The following C10orf90 variants were observed in gnomAD, a reference collection of about 807,000 sequenced individuals.
The protein encoded by C10orf90 is (E2-independent) E3 ubiquitin-conjugating enzyme FATS.
C10orf90 carries 56 observed loss-of-function variants against 62.5 expected under a neutral mutation model. The ratio of observed to expected loss-of-function variants is 0.90; its 90% CI spans 0.72 to 1.12. The LOEUF (loss-of-function observed/expected upper bound fraction) is 1.12, where lower values mean the gene tolerates loss of function less well. Among genes scored for constraint, C10orf90 ranks in the 50% most tolerant of loss-of-function variants. The probability of loss-of-function intolerance (pLI) is 0.00; values close to 1 mark genes in which losing one functional copy is unlikely to be tolerated. For synonymous variants in C10orf90, 386 were observed against 340.4 expected (o/e 1.13, Z -1.47); for missense variants, 970 against 880.4 (o/e 1.10, Z -1.29).
At chr10:126,458,389 T>C (rs1859721697) in intron 7 of C10orf90, among the ~76,000 whole-genome samples, 1 of 152,174 alleles carries the variant, frequency 6.6e-6, no homozygotes, top group Admixed American at 6.5e-5. Context: ...TGCTCTGATG[T>C]CCCCCATCCT....
At chr10:126,521,446 C>T in intron 2 of C10orf90, 1 of 1,524,568 alleles carries the variant, frequency 6.6e-7, no homozygotes, top group African/African-American at 1.4e-5. Flanking sequence ...CAGAATGAGT[C>T]AGGCTTCCAC....
In C10orf90 at chr10:126,425,808, C is replaced by G. The variant is rs368871600; in HGVS notation, c.*56G>C. On this transcript the variant is annotated 3_prime_UTR_variant, in exon 10 of 10. Coordinates refer to ENST00000488181, the MANE Select transcript of C10orf90 (RefSeq NM_001350921.2). ...GATAATGCTAAGTTTAATGGCTTATCCAGCATTCGAAGTCCTCCCAGGTCC... is the reference window on the plus strand; with the variant it reads ...GATAATGCTAAGTTTAATGGCTTATGCAGCATTCGAAGTCCTCCCAGGTCC... 2.9e-5 allele frequency: 45 copies of G among 1,543,906 alleles called. No individual in the cohort carries two copies. The highest frequency in any genetic ancestry group is 3.6e-5 in the Non-Finnish European group (41 of 1,135,012).
intron 2 of C10orf90, among the ~76,000 whole-genome samples, chr10:126,571,845 G>C (rs1844512982): frequency 6.6e-6 from 1 of 152,028 alleles, no homozygotes; most frequent in Non-Finnish European, 1.5e-5. Context: ...AAACCTCAAG[G>C]GGCACCAATC....
rs538178385 is a variant in C10orf90, at chr10:126,661,507, C to T, written c.240+8734G>A. 7.7e-4 allele frequency among the ~76,000 whole-genome samples: 118 copies of T among 152,280 alleles called. 3 individuals carry two copies. The South Asian group carries it at 0.023, about 29-fold the overall frequency. On this transcript the variant is annotated intron_variant, in intron 1 of 9. Transcript: ENST00000488181. ...TAATCACACCACCACCTGTCATCTG[C>T]CATCTCTTCTCTCCCTTGGTTTGGC...
chr10:126,653,165 T>G (rs1846324479), intron 1 of C10orf90, among the ~76,000 whole-genome samples: 1 of 152,210 alleles, frequency 6.6e-6, no homozygotes, highest in Non-Finnish European at 1.5e-5. Flanking sequence ...AGGGTGGTGT[T>G]TGCTGAAGGC....
intron 2 of C10orf90, among the ~76,000 whole-genome samples, chr10:126,631,441 C>A (rs527586864): frequency 6.6e-6 from 1 of 152,100 alleles, no homozygotes; most frequent in Non-Finnish European, 1.5e-5. Flanking sequence ...CCTATTCAAC[C>A]CTCTACACCT....
At chr10:126,516,106 C>CAGGT (rs1267644400) in intron 2 of C10orf90, among the ~76,000 whole-genome samples, 1 of 152,242 alleles carries the variant, frequency 6.6e-6, no homozygotes, top group East Asian at 1.9e-4. Context: ...TGAGGCTAGA[C>CAGGT]AGGTCTAGGC....
At chr10:126,480,020 A>G (rs964692401) in intron 4 of C10orf90, among the ~76,000 whole-genome samples, 2 of 152,222 alleles carry the variant, frequency 1.3e-5, no homozygotes, top group African/African-American at 4.8e-5. Context: ...GGATACTGAA[A>G]GGTTTTTATT....
chr10:126,613,205 G>T (rs1476262862), intron 2 of C10orf90, among the ~76,000 whole-genome samples: 1 of 152,048 alleles, frequency 6.6e-6, no homozygotes, highest in Non-Finnish European at 1.5e-5. Flanking sequence ...AGCTACAGGT[G>T]ACCATTTTCT....
intron 2 of C10orf90, among the ~76,000 whole-genome samples, chr10:126,557,228 G>T (rs1280298489): frequency 5.3e-5 from 8 of 151,976 alleles, no homozygotes; most frequent in East Asian, 3.9e-4. Flanking sequence ...ACACCTGTAA[G>T]CCCAGCACTT....
intron 7 of C10orf90, among the ~76,000 whole-genome samples, chr10:126,445,800 G>A (rs1290044052): frequency 1.2e-5 from 1 of 85,604 alleles, no homozygotes; most frequent in African/African-American, 4.9e-5. Context: ...TAAAGAAACT[G>A]TGGTGTATAT....
At chr10:126,493,949 G>A (rs1029728959) in intron 4 of C10orf90, among the ~76,000 whole-genome samples, 5 of 152,178 alleles carry the variant, frequency 3.3e-5, no homozygotes, top group Non-Finnish European at 7.3e-5. Flanking sequence ...CCCCAGCTCC[G>A]CTGGCTGGGG....
At chr10:126,615,043 C>T (rs1195060646) in intron 2 of C10orf90, among the ~76,000 whole-genome samples, 9 of 152,160 alleles carry the variant, frequency 5.9e-5, no homozygotes, top group African/African-American at 2.4e-5. Flanking sequence ...TGCTTCCATG[C>T]CTGGGTCCTC....
chr10:126,493,378 T>TTTTTTCA (rs1161549866), intron 4 of C10orf90, among the ~76,000 whole-genome samples: 1 of 151,380 alleles, frequency 6.6e-6, no homozygotes, highest in Non-Finnish European at 1.5e-5. Flanking sequence ...TTTTTTTTTT[T>TTTTTTCA]GAGACAGGGT....
intron 2 of C10orf90, among the ~76,000 whole-genome samples, chr10:126,514,332 C>T (rs1863310327): frequency 6.6e-6 from 1 of 152,208 alleles, no homozygotes; most frequent in Non-Finnish European, 1.5e-5. Context: ...TACTGATCTT[C>T]ATTCAGCCTC....
chr10:126,572,136 G>A (rs1844519258), intron 2 of C10orf90, among the ~76,000 whole-genome samples: 1 of 152,166 alleles, frequency 6.6e-6, no homozygotes, highest in Non-Finnish European at 1.5e-5. Flanking sequence ...CACAGGAGGC[G>A]ATAGGAGGTC....
intron 1 of C10orf90, among the ~76,000 whole-genome samples, chr10:126,660,933 A>T (rs1846496908): frequency 6.6e-6 from 1 of 152,226 alleles, no homozygotes; most frequent in African/African-American, 2.4e-5. Flanking sequence ...CCTGTGGACC[A>T]TGATTTTGGA....
At chr10:126,531,664 A>G (rs576853293) in intron 2 of C10orf90, among the ~76,000 whole-genome samples, 12 of 152,350 alleles carry the variant, frequency 7.9e-5, no homozygotes, top group African/African-American at 2.9e-4. Flanking sequence ...TTGCTCTAAC[A>G]TTAAAACTAT....
intron 4 of C10orf90, among the ~76,000 whole-genome samples, chr10:126,477,265 CCTT>C (rs150023531): frequency 0.12 from 18,065 of 150,590 alleles, 1,127 homozygotes; most frequent in Non-Finnish European, 0.15. Flanking sequence ...TTTCCCCAGA[CCTT>C]CTCCCCATTT....
Sources: allele counts gnomAD v4.1 joint callset (sites outside exome capture counted in the v4.1 genomes callset), GRCh38; gene constraint gnomAD v4.1.1; transcripts MANE v1.5; gene names NCBI Gene and HGNC (gene_info 2026-07-23, HGNC 2026-07-21).